TAMM41: variants seen among roughly 807,000 people sequenced by gnomAD.
TAMM41 encodes phosphatidate cytidylyltransferase, mitochondrial.
Under a neutral mutation model 44.1 loss-of-function variants are expected in TAMM41, and 36 were observed. That is an observed-to-expected ratio of 0.82 (90% CI 0.63 to 1.08). The LOEUF (loss-of-function observed/expected upper bound fraction) is 1.08. Among genes scored for constraint, TAMM41 ranks in the 50% least tolerant of loss-of-function variants. The probability of loss-of-function intolerance (pLI) is 0.00; values close to 1 mark genes in which losing one functional copy is unlikely to be tolerated. For synonymous variants in TAMM41, 164 were observed against 153.1 expected, an observed-to-expected ratio of 1.07 and a Z score of -0.53; for missense variants, 417 against 404.3, an observed-to-expected ratio of 1.03 and a Z score of -0.27.
chr3:11,845,034 T>G (rs555882849), intron 1 of TAMM41: 1 of 455,532 alleles, frequency 2.2e-6, no homozygotes, highest in Non-Finnish European at 4.4e-6. Flanking sequence ...GGGAGCCGTG[T>G]TGGAGGAAAG....
chr3:11,846,686 G>T lies in TAMM41; in HGVS notation c.-50C>A, dbSNP rs1367532809. The T allele has an allele frequency of 4.3e-6, 7 of 1,612,228 alleles. No individual in the cohort carries two copies. Among genetic ancestry groups the T allele is most frequent in the African/African-American group, 2.7e-5 (2 of 74,924 alleles). ...TCAGCGCAGCAGGGCGAGGACAACC[G>T]GGCGGGGAACAGACACCGGGTAGGC... On this transcript the variant is annotated 5_prime_UTR_variant, in exon 1 of 8. Transcript: ENST00000455809.
chr3:11,827,661 G>T (rs1288162217), intron 4 of TAMM41, among the ~76,000 whole-genome samples: 1 of 149,920 alleles, frequency 6.7e-6, no homozygotes, highest in African/African-American at 2.4e-5. Context: ...AAAAAGGAGG[G>T]GGGTGGAGGA....
the TAMM41 span, among the ~76,000 whole-genome samples, chr3:11,747,835 AG>A: frequency 6.6e-6 from 1 of 151,938 alleles, no homozygotes; most frequent in Non-Finnish European, 1.5e-5. Context: ...GACGCAGATG[AG>A]AAGTGTCTAT....
At chr3:11,728,406 C>G in the TAMM41 span, among the ~76,000 whole-genome samples, 2 of 152,202 alleles carry the variant, frequency 1.3e-5, no homozygotes, top group African/African-American at 4.8e-5. Context: ...GTCACAGATT[C>G]AGAGAGTAGT....
intron 5 of TAMM41, chr3:11,810,891 T>C (rs187187667): frequency 3.3e-5 from 5 of 150,082 alleles, no homozygotes; most frequent in Admixed American, 3.3e-4. Flanking sequence ...GAGTGAGATA[T>C]CCGGCTCTAC....
the TAMM41 span, among the ~76,000 whole-genome samples, chr3:11,781,764 AATAATAATAATAATAATC>A: frequency 0.32 from 46,039 of 145,446 alleles, 7,970 homozygotes; most frequent in East Asian, 0.55. Flanking sequence ...TAATAATAAT[AATAATAATAATAATAATC>A]ATACAAATAA....
chr3:11,785,026 G>A, the TAMM41 span, among the ~76,000 whole-genome samples: 1 of 152,062 alleles, frequency 6.6e-6, no homozygotes, highest in African/African-American at 2.4e-5. Flanking sequence ...GTGGAAACAG[G>A]AAGCTGCTGC....
At chr3:11,829,973 T>C in intron 3 of TAMM41, 109 bp from the exon 4 acceptor site, 2 of 1,083,660 alleles carry the variant, frequency 1.8e-6, no homozygotes, top group Non-Finnish European at 2.7e-6. Flanking sequence ...ACTGAAGATC[T>C]TGGAATACTG....
intron 5 of TAMM41, chr3:11,811,596 G>A (rs185682237): frequency 1.1e-4 from 16 of 152,278 alleles, no homozygotes; most frequent in East Asian, 5.8e-4. Flanking sequence ...TTAAAATAAC[G>A]AAAGTGAAAG....
chr3:11,750,114 T>G, the TAMM41 span, among the ~76,000 whole-genome samples: 1 of 151,988 alleles, frequency 6.6e-6, no homozygotes, highest in Admixed American at 6.6e-5. Flanking sequence ...GCCAGGATGG[T>G]CTCGATCTCC....
At chr3:11,829,010 G>C (rs1461996989) in intron 4 of TAMM41, among the ~76,000 whole-genome samples, 2 of 152,130 alleles carry the variant, frequency 1.3e-5, no homozygotes, top group African/African-American at 4.8e-5. Context: ...CCTTACTATA[G>C]TAAAAAGATA....
the TAMM41 span, among the ~76,000 whole-genome samples, chr3:11,749,483 C>T: frequency 6.6e-6 from 1 of 152,240 alleles, no homozygotes; most frequent in African/African-American, 2.4e-5. Context: ...CGCCAACCTA[C>T]ATGAGTAAGA....
chr3:11,742,494 C>A, the TAMM41 span, among the ~76,000 whole-genome samples: 1 of 150,126 alleles, frequency 6.7e-6, no homozygotes, highest in Non-Finnish European at 1.5e-5. Context: ...CACGTGCTCA[C>A]AGACACCGGC....
At chr3:11,838,518 G>A (rs1015656422) in intron 3 of TAMM41, among the ~76,000 whole-genome samples, 6 of 152,234 alleles carry the variant, frequency 3.9e-5, no homozygotes, top group East Asian at 1.9e-4. Context: ...ACACCCAGCC[G>A]GGAAGGCACT....
chr3:11,806,312 T>C, intron 7 of TAMM41, among the ~76,000 whole-genome samples: 1 of 152,044 alleles, frequency 6.6e-6, no homozygotes, highest in East Asian at 1.9e-4. Context: ...ATGCCAAATG[T>C]TGGAAAAAAT....
In TAMM41 at chr3:11,829,821, G is replaced by A. The variant is rs1406117172; in HGVS notation, c.455C>T (p.Ala152Val). The change falls in exon 4 of 8, where the codon GCC becomes GTC. Residue 152 changes from alanine (A) to valine (V), a missense_variant. Transcript: ENST00000455809. ...AGCACTCTTCAGATTTCTATCGAGG[G>A]CTGATCTAAGAGTGACATCCTCGTT... Reference protein sequence around the residue: ...SVNEDVTLRSALDRNLKSAVT... With the variant: ...SVNEDVTLRSVLDRNLKSAVT... 2 of 1,614,150 alleles carry A rather than the reference G, an allele frequency of 1.2e-6. No individual in the cohort carries two copies. The highest frequency in any genetic ancestry group is 8.5e-7 in the Non-Finnish European group (1 of 1,180,010).
the TAMM41 span, among the ~76,000 whole-genome samples, chr3:11,760,606 G>A: frequency 6.6e-6 from 1 of 151,640 alleles, no homozygotes; most frequent in Non-Finnish European, 1.5e-5. Context: ...TGTTGCCCAG[G>A]CTGGAGTGCA....
At chr3:11,817,871 T>G (rs540765611) in intron 4 of TAMM41, among the ~76,000 whole-genome samples, 113 of 152,346 alleles carry the variant, frequency 7.4e-4, no homozygotes, top group African/African-American at 2.7e-3. Flanking sequence ...AAGATGAAAT[T>G]GAAAACAGAT....
chr3:11,800,597 C>T (rs1280353293), intron 7 of TAMM41, among the ~76,000 whole-genome samples: 1 of 148,540 alleles, frequency 6.7e-6, no homozygotes, highest in Non-Finnish European at 1.5e-5. Flanking sequence ...ATAAAGGGAT[C>T]AGTTCACCAA....
Sources: allele counts gnomAD v4.1 joint callset (sites outside exome capture counted in the v4.1 genomes callset), GRCh38; gene constraint gnomAD v4.1.1; transcripts MANE v1.5; gene names NCBI Gene and HGNC (gene_info 2026-07-23, HGNC 2026-07-21).